TDRD1: variants seen among roughly 807,000 people sequenced by gnomAD.
TDRD1 encodes tudor domain-containing protein 1.
Under a neutral mutation model 140.6 loss-of-function variants are expected in TDRD1, and 37 were observed. The observed-to-expected ratio is 0.26, with a 90% CI of 0.20 to 0.35. The LOEUF is 0.35. Ranked by LOEUF, TDRD1 falls within the 10% of genes least tolerant of loss-of-function variation. The pLI, the probability that TDRD1 is intolerant of heterozygous loss-of-function variation, is 1.00. For missense variants in TDRD1, 1,243 were observed against 1,393.0 expected (o/e 0.89, Z 1.71); for synonymous variants, 506 against 475.7 (o/e 1.06, Z -0.83).
At chr10:114,212,193 G>T (rs980324207) in intron 14 of TDRD1, among the ~76,000 whole-genome samples, 157 bp downstream of exon 14, 1 of 152,146 alleles carries the variant, frequency 6.6e-6, no homozygotes, top group East Asian at 1.9e-4. Flanking sequence ...AGAAATCAGA[G>T]ATTTCTTTCC....
chr10:114,181,614 G>A (rs951170179), intron 1 of TDRD1, among the ~76,000 whole-genome samples: 2 of 152,178 alleles, frequency 1.3e-5, no homozygotes, highest in African/African-American at 2.4e-5. Flanking sequence ...AGCGCTTCGG[G>A]AGGCTGAGGC....
intron 14 of TDRD1, 60 bp from the exon 15 acceptor site, chr10:114,213,283 TAGG>T: frequency 6.7e-7 from 1 of 1,489,626 alleles, no homozygotes; most frequent in South Asian, 1.3e-5. Flanking sequence ...TGGGGGAAAT[TAGG>T]AGCTAAATTT....
Position 114,207,117 on chromosome 10 carries a change from C to T in TDRD1, c.1384+787C>T, listed in dbSNP as rs539997931. ...AATTTTGCTTTCAGCATTTTACTTC[C>T]TCATTGCCTAATCACCTGTGTTTGT... On this transcript the variant is annotated intron_variant, in intron 11 of 25. Coordinates refer to ENST00000251864, the Ensembl canonical transcript of TDRD1. Among the ~76,000 whole-genome samples, 37 of 152,320 alleles carry T rather than the reference C, an allele frequency of 2.4e-4. 1 individual carries two copies. Among genetic ancestry groups the T allele is most frequent in the Non-Finnish European group, 2.6e-4 (18 of 68,020 alleles).
intron 13 of TDRD1, 50 bp from the exon 14 acceptor site, chr10:114,211,816 T>A: frequency 6.9e-7 from 1 of 1,445,874 alleles, no homozygotes. Context: ...GGTTTTTATT[T>A]ACATCTACAG....
intron 17 of TDRD1, 94 bp from the exon 18 acceptor site, chr10:114,218,320 A>G: frequency 1.2e-6 from 1 of 869,080 alleles, no homozygotes; most frequent in East Asian, 2.9e-5. Flanking sequence ...TTTATTACCT[A>G]CTTTTAGACA....
At chr10:114,193,959 A>G (rs2034167325) in intron 3 of TDRD1, among the ~76,000 whole-genome samples, 1 of 152,176 alleles carries the variant, frequency 6.6e-6, no homozygotes, top group Admixed American at 6.5e-5. Flanking sequence ...TTGATATGGT[A>G]GTGACTTCTT....
chr10:114,221,563 AG>A, intron 20 of TDRD1, 87 bp downstream of exon 20: 1 of 1,294,096 alleles, frequency 7.7e-7, no homozygotes, highest in South Asian at 1.3e-5. Context: ...TTGGGAATGA[AG>A]GGGAGAAAGA....
chr10:114,201,489 C>T (rs2034736261), exon 5 of TDRD1: 1 of 1,613,370 alleles, frequency 6.2e-7, no homozygotes, highest in Non-Finnish European at 8.5e-7. Flanking sequence ...CTGCACACAG[C>T]ATCGTGTGCA....
At chr10:114,182,690 CT>C (rs34137706) in intron 1 of TDRD1, among the ~76,000 whole-genome samples, 12,059 of 144,402 alleles carry the variant, frequency 0.084, 596 homozygotes, top group African/African-American at 0.15. Flanking sequence ...ATACGAATAT[CT>C]TTTTTTTTTT....
intron 21 of TDRD1, among the ~76,000 whole-genome samples, chr10:114,223,518 G>A (rs1364803757): frequency 1.3e-5 from 2 of 152,206 alleles, no homozygotes; most frequent in Non-Finnish European, 2.9e-5. Flanking sequence ...AATTGTTTTT[G>A]TTGGGGAGCA....
exon 14 of TDRD1, chr10:114,212,005 G>C: frequency 1.9e-6 from 3 of 1,611,180 alleles, no homozygotes; most frequent in Non-Finnish European, 2.5e-6. Context: ...TGTTGGAATT[G>C]CCAATGCAAG....
exon 24 of TDRD1, chr10:114,227,923 G>T: frequency 1.2e-6 from 2 of 1,613,688 alleles, no homozygotes; most frequent in Non-Finnish European, 1.7e-6. Context: ...AGATGTATAG[G>T]ATGAATTGCT....
rs760457592 is a variant in TDRD1, at chr10:114,213,384, A to G, written c.1870A>G (p.Ile624Val). 2.3e-5 allele frequency: 37 copies of G among 1,613,952 alleles called. No individual in the cohort carries two copies. The South Asian group carries it at 4.1e-4, about 18-fold the overall frequency. Residue 624 changes from isoleucine (I) to valine (V), a missense_variant, in exon 15 of 26, where the codon ATT becomes GTT. By Grantham distance (29) the Ile-to-Val change is conservative (BLOSUM62 3). This residue lies in a region of TDRD1 where 601 missense variants were observed against 734.7 expected (regional missense o/e 0.82). Transcript: ENST00000251864. ...ATTAGGAATTTGGACTCCAGAAGCT[A>G]TTTGTCTCATGAAAAAACTTGTACA...
At chr10:114,222,474 A>C (rs370940097) in intron 20 of TDRD1, 113 bp from the exon 21 acceptor site, 6 of 490,288 alleles carry the variant, frequency 1.2e-5, no homozygotes, top group East Asian at 9.8e-5. Context: ...TATTTTAAAT[A>C]TATTTTAATA....
chr10:114,220,371 T>C (rs1050795244), intron 18 of TDRD1, among the ~76,000 whole-genome samples, 197 bp from the exon 19 acceptor site: 5 of 152,182 alleles, frequency 3.3e-5, no homozygotes, highest in Admixed American at 6.5e-5. Flanking sequence ...CTGAGCCTCC[T>C]AAAACCCTAG....
chr10:114,181,068 G>C (rs1056226052), intron 1 of TDRD1, among the ~76,000 whole-genome samples: 9 of 152,154 alleles, frequency 5.9e-5, no homozygotes, highest in African/African-American at 2.2e-4. Context: ...GTGAAGTACA[G>C]AACAAAGAAA....
At chr10:114,185,636 G>A (rs2033456778) in intron 1 of TDRD1, among the ~76,000 whole-genome samples, 1 of 151,962 alleles carries the variant, frequency 6.6e-6, no homozygotes, top group Non-Finnish European at 1.5e-5. Context: ...TGCCCAGGCT[G>A]GAGTGCAATG....
chr10:114,227,995 C>T (rs750990152), intron 24 of TDRD1, 39 bp downstream of exon 24: 24 of 1,611,202 alleles, frequency 1.5e-5, no homozygotes, highest in East Asian at 6.7e-5. Context: ...ATACTCCTAA[C>T]GTTTTTAGAA....
intron 3 of TDRD1, among the ~76,000 whole-genome samples, chr10:114,195,961 C>A (rs952391435): frequency 9.9e-5 from 15 of 152,184 alleles, no homozygotes; most frequent in African/African-American, 3.6e-4. Context: ...ACTTAGTTAT[C>A]ATTTTACCAA....
Sources: gnomAD v4.1 joint callset for allele counts (sites outside exome capture counted in the v4.1 genomes callset) on GRCh38, gnomAD v4.1.1 for gene constraint, gnomAD v4.1.1 regional missense constraint, MANE v1.5 for transcripts, NCBI Gene and HGNC (gene_info 2026-07-23, HGNC 2026-07-21) for gene names.